The following OSMR variants were observed in gnomAD, a reference collection of about 807,000 sequenced individuals.
OSMR encodes oncostatin M receptor.
In OSMR, 81 loss-of-function variants were observed where a neutral mutation model predicts 99.9. The observed-to-expected ratio is 0.81, with a 90% CI of 0.68 to 0.97. The LOEUF (loss-of-function observed/expected upper bound fraction) is 0.97, where lower values mean the gene tolerates loss of function less well. Among genes scored for constraint, OSMR ranks in the 50% least tolerant of loss-of-function variants. The pLI, the probability that OSMR is intolerant of heterozygous loss-of-function variation, is 0.00. For missense variants in OSMR, 1,099 were observed against 1,153.4 expected (o/e 0.95, Z 0.68); for synonymous variants, 406 against 410.4 (o/e 0.99, Z 0.13).
chr5:38,926,302 G>A (rs1746471770), intron 15 of OSMR, among the ~76,000 whole-genome samples: 1 of 152,202 alleles, frequency 6.6e-6, no homozygotes, highest in Non-Finnish European at 1.5e-5. Context: ...GGAGTGCCCT[G>A]ACTGGTGATT....
At chr5:38,871,886 A>G (rs1259170947) in intron 2 of OSMR, among the ~76,000 whole-genome samples, 4 of 152,120 alleles carry the variant, frequency 2.6e-5, no homozygotes, top group Admixed American at 6.6e-5. Context: ...TGAATGGACA[A>G]TGGTTTATTT....
At chr5:38,921,443 G>A in intron 11 of OSMR, 172 bp from the exon 12 acceptor site, 1 of 977,062 alleles carries the variant, frequency 1.0e-6, no homozygotes, top group Non-Finnish European at 1.2e-6. Flanking sequence ...GGAAGTAAGA[G>A]ACAAGAACTC....
At chr5:38,881,818 G>A (rs1663968830) in intron 4 of OSMR, 54 bp downstream of exon 4, 1 of 1,449,582 alleles carries the variant, frequency 6.9e-7, no homozygotes, top group African/African-American at 1.4e-5. Flanking sequence ...TTTTTAATGA[G>A]GAGCAATAGT....
At chr5:38,869,009 T>G in intron 1 of OSMR, 23 bp from the exon 2 acceptor site, 1 of 1,611,310 alleles carries the variant, frequency 6.2e-7, no homozygotes, top group Non-Finnish European at 8.5e-7. Context: ...AAAATTTTCC[T>G]TCTTATAATT....
intron 1 of OSMR, chr5:38,942,819 C>A: frequency 1.3e-6 from 2 of 1,565,380 alleles, no homozygotes; most frequent in Non-Finnish European, 1.8e-6. Context: ...TTGAGAAGTA[C>A]TAATCATACT....
chr5:38,941,283 G>C (rs772940354), intron 1 of OSMR: 1 of 232,032 alleles, frequency 4.3e-6, no homozygotes, highest in African/African-American at 2.2e-5. Context: ...TGGTACTTAA[G>C]GCTTTTCACT....
At chr5:38,880,770 G>C (rs537595487) in intron 3 of OSMR, among the ~76,000 whole-genome samples, 1 of 152,198 alleles carries the variant, frequency 6.6e-6, no homozygotes, top group Admixed American at 6.5e-5. Flanking sequence ...GTGGGTTGGA[G>C]CCAGATTATA....
At chr5:38,902,281 T>C (rs529436859) in intron 7 of OSMR, among the ~76,000 whole-genome samples, 2 of 152,334 alleles carry the variant, frequency 1.3e-5, no homozygotes, top group African/African-American at 4.8e-5. Flanking sequence ...CTTAGCTGTG[T>C]TGGGGGAACA....
intron 9 of OSMR, among the ~76,000 whole-genome samples, chr5:38,906,542 C>T (rs1745247082): frequency 6.6e-6 from 1 of 152,154 alleles, no homozygotes; most frequent in South Asian, 2.1e-4. Context: ...TAGTAATTTA[C>T]AAGCCAGCTG....
downstream of OSMR, chr5:38,938,805 G>A (rs952387446): frequency 2.8e-4 from 66 of 232,922 alleles, no homozygotes; most frequent in Non-Finnish European, 6.8e-5. Context: ...TAGTAACAGT[G>A]TATTTTGTTA....
At chr5:38,943,535 T>G (rs1318733839) in intron 1 of OSMR, among the ~76,000 whole-genome samples, 1 of 152,094 alleles carries the variant, frequency 6.6e-6, no homozygotes, top group African/African-American at 2.4e-5. Flanking sequence ...TACAGCTGGC[T>G]GGGCACGGTG....
intron 1 of OSMR, among the ~76,000 whole-genome samples, chr5:38,862,351 T>A (rs62352592): frequency 1.0e-5 from 1 of 97,198 alleles, no homozygotes. Context: ...GGCTCCTCAC[T>A]TCCCAGTAGG....
At chr5:38,875,690 C>T (rs1396666400) in intron 2 of OSMR, among the ~76,000 whole-genome samples, 9 of 152,152 alleles carry the variant, frequency 5.9e-5, no homozygotes, top group South Asian at 2.1e-4. Flanking sequence ...CTGGTCTCAT[C>T]GAAAGAGTTC....
chr5:38,883,024 T>C (rs1269098318), intron 4 of OSMR, among the ~76,000 whole-genome samples: 1 of 152,136 alleles, frequency 6.6e-6, no homozygotes, highest in Non-Finnish European at 1.5e-5. Flanking sequence ...ATTAAAAAGA[T>C]AGTAAGAGGT....
intron 1 of OSMR, among the ~76,000 whole-genome samples, chr5:38,851,819 T>C (rs1301946166): frequency 6.6e-6 from 1 of 152,170 alleles, no homozygotes; most frequent in African/African-American, 2.4e-5. Flanking sequence ...AACGGAATCA[T>C]GGGGGCAGTT....
downstream of OSMR, chr5:38,945,395 A>G (rs1748076296): frequency 1.3e-6 from 1 of 788,796 alleles, no homozygotes. Flanking sequence ...CAGCTGGGAA[A>G]CTCTGAATTA....
chr5:38,919,680 C>A (rs1183162939), intron 11 of OSMR: 1 of 231,842 alleles, frequency 4.3e-6, no homozygotes, highest in East Asian at 1.2e-4. Context: ...TGAGATGATA[C>A]ATACATGGGC....
intron 9 of OSMR, among the ~76,000 whole-genome samples, chr5:38,908,563 G>T (rs1376000451): frequency 6.6e-6 from 1 of 152,186 alleles, no homozygotes; most frequent in East Asian, 1.9e-4. Context: ...AACACAGCAG[G>T]TTCCTAGCCT....
rs749032716 is a variant in OSMR, at chr5:38,876,229, T to A, written c.102T>A (p.Pro34=). The A allele has an allele frequency of 2.5e-6, 4 of 1,613,582 alleles. No individual in the cohort carries two copies. In the Admixed American group the frequency reaches 6.7e-5, roughly 27 times the overall value. ...TGGCTGAACGTTTACCATTGACTCC[T>A]GTATCACTTAAAGTTTCCACCAATT... ...EVLAERLPLT[P]VSLKVSTNST... is the part of the protein sequence containing the mutation. Residue 34 remains proline (P), a synonymous_variant, in exon 3 of 18, where the codon CCT becomes CCA. Transcript: ENST00000274276.
Sources: gnomAD v4.1 joint callset for allele counts (sites outside exome capture counted in the v4.1 genomes callset) on GRCh38, gnomAD v4.1.1 for gene constraint, MANE v1.5 for transcripts, NCBI Gene and HGNC (gene_info 2026-07-23, HGNC 2026-07-21) for gene names.